The following ARHGAP19 variants were observed in gnomAD, a reference collection of about 807,000 sequenced individuals.
ARHGAP19 encodes the protein rho GTPase-activating protein 19.
ARHGAP19 carries 48 observed loss-of-function variants against 60.9 expected under a neutral mutation model. The ratio of observed to expected loss-of-function variants is 0.79; its 90% confidence interval spans 0.62 to 1.00. The LOEUF is 1.00. Ranked by LOEUF, ARHGAP19 falls within the 50% of genes least tolerant of loss-of-function variation. The pLI is 0.00. For synonymous variants in ARHGAP19, 209 were observed against 215.5 expected, an observed-to-expected ratio of 0.97 and a Z score of 0.27; for missense variants, 562 against 597.2, an observed-to-expected ratio of 0.94 and a Z score of 0.61.
intron 2 of ARHGAP19, chr10:97,265,629 T>G (rs1842888060): frequency 1.9e-6 from 1 of 515,216 alleles, no homozygotes; most frequent in Middle Eastern, 5.2e-4. Context: ...AAGTTAATCA[T>G]GTCTTCTCTC....
At chr10:97,243,401 T>C (rs1424757218) in intron 8 of ARHGAP19, among the ~76,000 whole-genome samples, 1 of 152,154 alleles carries the variant, frequency 6.6e-6, no homozygotes, top group Non-Finnish European at 1.5e-5. Flanking sequence ...AGTCCCAAAA[T>C]AGCAAATTTG....
intron 1 of ARHGAP19, among the ~76,000 whole-genome samples, chr10:97,272,904 G>A (rs1265100589): frequency 6.7e-6 from 1 of 149,178 alleles, no homozygotes; most frequent in Admixed American, 6.7e-5. Context: ...GCAGTGGGAC[G>A]ATCTCGGCTG....
chr10:97,229,027 G>A (rs1472190049), intron 11 of ARHGAP19, 120 bp downstream of exon 11: 4 of 994,676 alleles, frequency 4.0e-6, no homozygotes, highest in Non-Finnish European at 6.3e-6. Context: ...ACCTGGCCTT[G>A]TAATTTTTAT....
intron 6 of ARHGAP19, among the ~76,000 whole-genome samples, chr10:97,254,316 C>G (rs1300188025): frequency 1.3e-5 from 2 of 152,134 alleles, no homozygotes; most frequent in Non-Finnish European, 2.9e-5. Flanking sequence ...AATCACACCA[C>G]CATGGTACTG....
intron 11 of ARHGAP19, among the ~76,000 whole-genome samples, chr10:97,228,105 C>T (rs1427679791): frequency 6.6e-6 from 1 of 152,118 alleles, no homozygotes; most frequent in East Asian, 1.9e-4. Context: ...AAGACAGAAG[C>T]AACGAGGAAA....
At chr10:97,265,528 T>C (rs997639817) in intron 2 of ARHGAP19, 7 of 261,336 alleles carry the variant, frequency 2.7e-5, no homozygotes, top group Non-Finnish European at 4.4e-5. Context: ...AGCATTCTGT[T>C]CTATAGTCTC....
At chr10:97,226,895 A>G (rs1486550594) in intron 11 of ARHGAP19, among the ~76,000 whole-genome samples, 2 of 152,252 alleles carry the variant, frequency 1.3e-5, no homozygotes, top group Non-Finnish European at 2.9e-5. Flanking sequence ...AATGGCCATA[A>G]TAAGTAGGTG....
At chr10:97,261,817 C>T (rs73326839) in intron 4 of ARHGAP19, among the ~76,000 whole-genome samples, 3,201 of 152,236 alleles carry the variant, frequency 0.021, 116 homozygotes, top group African/African-American at 0.07. Context: ...GCTGTGAACA[C>T]TTAGAGCCCA....
At chr10:97,278,606 T>G (rs944646717) in intron 1 of ARHGAP19, among the ~76,000 whole-genome samples, 1 of 152,164 alleles carries the variant, frequency 6.6e-6, no homozygotes, top group East Asian at 1.9e-4. Context: ...ATCAATCTAG[T>G]AATACTAAAA....
At chr10:97,263,789 G>T (rs793523) in intron 3 of ARHGAP19, among the ~76,000 whole-genome samples, 160 bp from the exon 4 acceptor site, 129,913 of 152,184 alleles carry the variant, frequency 0.85, 55,882 homozygotes, top group Non-Finnish European at 0.91. Context: ...AGAACCTATT[G>T]ACCTCCTGAG....
chr10:97,241,826 G>A (rs1337028552), intron 8 of ARHGAP19, among the ~76,000 whole-genome samples: 1 of 151,904 alleles, frequency 6.6e-6, no homozygotes, highest in East Asian at 1.9e-4. Context: ...TGGCTAACAC[G>A]GTGAAACCCC....
chr10:97,280,768 C>T (rs1843073904), intron 1 of ARHGAP19, among the ~76,000 whole-genome samples: 1 of 151,940 alleles, frequency 6.6e-6, no homozygotes, highest in African/African-American at 2.4e-5. Context: ...TTTTTTAATA[C>T]AGCCCAGGGT....
chr10:97,230,546 ATTTTT>A (rs200759207), intron 9 of ARHGAP19, among the ~76,000 whole-genome samples: 1 of 151,848 alleles, frequency 6.6e-6, no homozygotes, highest in Non-Finnish European at 1.5e-5. Flanking sequence ...CTTTGGAGAA[ATTTTT>A]TTTTCCCTTA....
intron 1 of ARHGAP19, among the ~76,000 whole-genome samples, chr10:97,266,814 G>A (rs1842904576): frequency 1.3e-5 from 2 of 151,988 alleles, no homozygotes; most frequent in South Asian, 4.2e-4. Context: ...TATTCACGCA[G>A]GGAAAAAAAC....
At position 97,271,829 on chromosome 10, in the gene ARHGAP19, T is replaced by C. The variant is rs776450390; in HGVS notation, c.57-5704A>G. On this transcript the variant is annotated intron_variant, in intron 1 of 11. Coordinates refer to ENST00000358531, the MANE Select transcript of ARHGAP19 (RefSeq NM_032900.6). ...TTACTTATTTAAAATTGTGTATTGG[T>C]GTTTAATTTTATCAAATACTTATCA... Among the ~76,000 whole-genome samples the C allele has an allele frequency of 5.7e-4, 86 of 151,930 alleles. 3 individuals carry two copies. Among genetic ancestry groups the C allele is most frequent in the Admixed American group, 1.2e-3 (18 of 15,270 alleles).
At chr10:97,226,668 C>T (rs1334076558) in intron 11 of ARHGAP19, among the ~76,000 whole-genome samples, 1 of 152,216 alleles carries the variant, frequency 6.6e-6, no homozygotes, top group Admixed American at 6.5e-5. Context: ...TACACTAAGT[C>T]TGACCTTTGT....
At chr10:97,270,100 GAAAAAAAAAGATACC>G (rs1367678754) in intron 1 of ARHGAP19, among the ~76,000 whole-genome samples, 1 of 150,520 alleles carries the variant, frequency 6.6e-6, no homozygotes, top group Non-Finnish European at 1.5e-5. Flanking sequence ...AGGAATACAA[GAAAAAAAAAGATACC>G]TTGGATCTCC....
At chr10:97,246,226 C>A in intron 7 of ARHGAP19, 46 bp downstream of exon 7, 1 of 1,502,562 alleles carries the variant, frequency 6.7e-7, no homozygotes, top group Non-Finnish European at 9.3e-7. Flanking sequence ...CTCCACAAAT[C>A]TTAATGCTCT....
chr10:97,253,318 C>T (rs1842712734), intron 6 of ARHGAP19, among the ~76,000 whole-genome samples: 1 of 149,272 alleles, frequency 6.7e-6, no homozygotes, highest in Admixed American at 6.8e-5. Flanking sequence ...ACGGAGGCTG[C>T]AGTGAGCTGA....
Sources: allele counts gnomAD v4.1 joint callset (sites outside exome capture counted in the v4.1 genomes callset), GRCh38; gene constraint gnomAD v4.1.1; transcripts MANE v1.5; gene names NCBI Gene and HGNC (gene_info 2026-07-23, HGNC 2026-07-21).